Variants in CDYL2 observed in about 807,000 individuals in gnomAD.
CDYL2 encodes the protein chromodomain Y like 2, also known as chromodomain Y-like protein 2.
CDYL2 carries 23 observed loss-of-function variants against 49.4 expected under a neutral mutation model. That is an observed-to-expected ratio of 0.47 (90% CI 0.34 to 0.66). CDYL2 has a LOEUF of 0.66. Ranked by LOEUF, CDYL2 falls within the 30% of genes least tolerant of loss-of-function variation. The pLI, the probability that CDYL2 is intolerant of heterozygous loss-of-function variation, is 0.01. For missense variants in CDYL2, 678 were observed against 656.4 expected, an observed-to-expected ratio of 1.03 and a Z score of -0.36; for synonymous variants, 360 against 268.8, an observed-to-expected ratio of 1.34 and a Z score of -3.32.
chr16:80,711,983 ATATG>A (rs1904613812), intron 1 of CDYL2, among the ~76,000 whole-genome samples: 1 of 151,184 alleles, frequency 6.6e-6, no homozygotes, highest in Non-Finnish European at 1.5e-5. Flanking sequence ...ACACATATAT[ATATG>A]TATGTATATA....
chr16:80,724,560 G>A (rs1046981623), intron 1 of CDYL2, among the ~76,000 whole-genome samples: 1 of 152,162 alleles, frequency 6.6e-6, no homozygotes. Flanking sequence ...ACACACACAT[G>A]ACACACATGT....
chr16:80,646,824 CA>C (rs1189098957), intron 2 of CDYL2, among the ~76,000 whole-genome samples: 1 of 148,964 alleles, frequency 6.7e-6, no homozygotes, highest in Non-Finnish European at 1.5e-5. Flanking sequence ...ACAAAACAAA[CA>C]AAAAAACAAG....
intron 2 of CDYL2, among the ~76,000 whole-genome samples, chr16:80,681,829 T>C (rs1909978637): frequency 1.3e-5 from 2 of 152,204 alleles, no homozygotes. Flanking sequence ...AGAGGGAAGC[T>C]ATAAGTTTCA....
chr16:80,725,361 A>T (rs552849247), intron 1 of CDYL2, among the ~76,000 whole-genome samples: 1 of 152,008 alleles, frequency 6.6e-6, no homozygotes, highest in Admixed American at 6.5e-5. Context: ...CCTTTACAAC[A>T]CTTATTGCAA....
At position 80,693,097 on chromosome 16, in the gene CDYL2, C is replaced by G. The variant is rs187670364; in HGVS notation, c.25-7968G>C. On this transcript the variant is annotated intron_variant, in intron 1 of 6. Coordinates refer to ENST00000570137, the MANE Select transcript of CDYL2 (RefSeq NM_152342.4). ...GCCAGGCAAACTCATCTATAGTGATCGAAGCCAGATCAGTGGGGGCTGGGT... is the reference window on the plus strand; with the variant it reads ...GCCAGGCAAACTCATCTATAGTGATGGAAGCCAGATCAGTGGGGGCTGGGT... Among the ~76,000 whole-genome samples, 501 of 127,810 alleles carry G rather than the reference C, an allele frequency of 3.9e-3. 1 individual carries two copies. The highest frequency in any genetic ancestry group is 0.02 in the South Asian group (83 of 4,218). 83.8% of individuals were successfully genotyped at this position (127,810 alleles called of 152,430 possible).
chr16:80,683,535 G>T (rs927106783), intron 2 of CDYL2, among the ~76,000 whole-genome samples: 2 of 151,890 alleles, frequency 1.3e-5, no homozygotes, highest in Admixed American at 6.6e-5. Context: ...ACATATGCAG[G>T]CTGTGTTAGA....
chr16:80,672,000 AGT>A (rs1195011119), intron 2 of CDYL2, among the ~76,000 whole-genome samples: 1 of 152,186 alleles, frequency 6.6e-6, no homozygotes, highest in Non-Finnish European at 1.5e-5. Context: ...TGGGATCACA[AGT>A]GTTTTGGATT....
intron 2 of CDYL2, among the ~76,000 whole-genome samples, chr16:80,672,311 A>T (rs982641075): frequency 4.7e-5 from 6 of 128,432 alleles, no homozygotes; most frequent in African/African-American, 1.8e-4. Flanking sequence ...GTTTTCATAC[A>T]AAATGTTACA....
intron 2 of CDYL2, among the ~76,000 whole-genome samples, chr16:80,664,961 T>C (rs917540855): frequency 3.3e-5 from 5 of 152,152 alleles, no homozygotes; most frequent in Non-Finnish European, 5.9e-5. Flanking sequence ...GTCAATGTAT[T>C]TGTCATTTCC....
At chr16:80,684,128 A>C (rs992704551) in intron 2 of CDYL2, among the ~76,000 whole-genome samples, 8 of 152,162 alleles carry the variant, frequency 5.3e-5, no homozygotes, top group African/African-American at 1.9e-4. Context: ...TGGGGGCATG[A>C]TGAGGCTGCA....
chr16:80,732,288 C>T (rs1041683271), intron 1 of CDYL2, among the ~76,000 whole-genome samples: 33 of 151,726 alleles, frequency 2.2e-4, no homozygotes, highest in African/African-American at 7.7e-4. Context: ...ATGGGCTGCA[C>T]AGTTTTCTGT....
chr16:80,612,913 G>T lies in CDYL2; in HGVS notation c.1008-77C>A. The T allele has an allele frequency of 1.5e-6, 2 of 1,345,882 alleles. No homozygotes were observed. The highest frequency in any genetic ancestry group is 2.5e-5 in the East Asian group (1 of 40,228). The allele number at this position is 1,345,882 out of a possible 1,614,324, so 83.4% of individuals were successfully genotyped here. Reference sequence around the variant, plus strand: ...CCACTGGAACCCTTGACTCTCCCAGGTGCTGTGAGGAGCACCCTCAGGTCG... The same window carrying T: ...CCACTGGAACCCTTGACTCTCCCAGTTGCTGTGAGGAGCACCCTCAGGTCG... On this transcript the variant is annotated intron_variant, in intron 4 of 6. Coordinates refer to ENST00000570137, the MANE Select transcript of CDYL2 (RefSeq NM_152342.4). The surrounding 1 kb of genome is among the most constrained non-coding windows in gnomAD (Gnocchi z 5.0).
chr16:80,676,970 T>C (rs948716192), intron 2 of CDYL2, among the ~76,000 whole-genome samples: 2 of 139,466 alleles, frequency 1.4e-5, no homozygotes, highest in East Asian at 2.0e-4. Flanking sequence ...TGTATTTTTT[T>C]TTTTTTTTTT....
At chr16:80,633,980 G>C (rs1361641244) in intron 2 of CDYL2, among the ~76,000 whole-genome samples, 2 of 151,892 alleles carry the variant, frequency 1.3e-5, no homozygotes, top group African/African-American at 4.8e-5. Flanking sequence ...ATGTGCTAAA[G>C]AAAGCAAGGC....
At chr16:80,650,362 G>C (rs1026086498) in intron 2 of CDYL2, among the ~76,000 whole-genome samples, 11 of 152,142 alleles carry the variant, frequency 7.2e-5, no homozygotes, top group Non-Finnish European at 1.0e-4. Flanking sequence ...ATATGAAAAG[G>C]TGCTCAACAT....
At chr16:80,692,570 A>G (rs1597178257) in intron 1 of CDYL2, among the ~76,000 whole-genome samples, 1 of 152,256 alleles carries the variant, frequency 6.6e-6, no homozygotes, top group African/African-American at 2.4e-5. Flanking sequence ...AATGCTATAC[A>G]ATGATACCAA....
intron 1 of CDYL2, among the ~76,000 whole-genome samples, chr16:80,751,333 G>A (rs1244556033): frequency 6.6e-6 from 1 of 152,210 alleles, no homozygotes; most frequent in Non-Finnish European, 1.5e-5. Flanking sequence ...AAATCCGGAG[G>A]AAGGACTTCA....
At chr16:80,678,992 C>T (rs1374228460) in intron 2 of CDYL2, among the ~76,000 whole-genome samples, 1 of 150,716 alleles carries the variant, frequency 6.6e-6, no homozygotes, top group African/African-American at 2.5e-5. Context: ...AATCATCATT[C>T]TCAGTAAACT....
At chr16:80,607,667 C>T (rs78250016) in intron 6 of CDYL2, among the ~76,000 whole-genome samples, 2 of 152,206 alleles carry the variant, frequency 1.3e-5, no homozygotes, top group East Asian at 1.9e-4. Context: ...GACGAGCAGT[C>T]GGTGGAGAAA....
Sources: allele counts gnomAD v4.1 joint callset (sites outside exome capture counted in the v4.1 genomes callset), GRCh38; gene constraint gnomAD v4.1.1; non-coding constraint Gnocchi (gnomAD v3.1); transcripts MANE v1.5; gene names NCBI Gene and HGNC (gene_info 2026-07-23, HGNC 2026-07-21).